The following ANK1 variants were observed in gnomAD, a reference collection of about 807,000 sequenced individuals.
The protein encoded by ANK1 is ankyrin 1.
A neutral mutation model predicts 210.4 loss-of-function variants in ANK1; 51 were observed. The observed-to-expected ratio is 0.24, with a 90% confidence interval of 0.19 to 0.31. The LOEUF is 0.31. ANK1 is among the 10% of genes least tolerant of loss of function. ANK1 has a pLI of 1.00. For synonymous variants in ANK1, 967 were observed against 1,025.9 expected (o/e 0.94, Z 1.10); for missense variants, 2,051 against 2,504.4 (o/e 0.82, Z 3.86).
intron 37 of ANK1, among the ~76,000 whole-genome samples, chr8:41,678,968 T>A (rs1335601973): frequency 1.3e-5 from 2 of 152,136 alleles, no homozygotes; most frequent in African/African-American, 2.4e-5. Context: ...GTATTTTTAG[T>A]AGAGACAGGG....
intron 38 of ANK1, among the ~76,000 whole-genome samples, chr8:41,670,229 A>G (rs1240358417): frequency 6.6e-6 from 1 of 151,850 alleles, no homozygotes; most frequent in Admixed American, 6.6e-5. Context: ...TTTCTGTTTC[A>G]TTCAATGCTG....
At chr8:41,877,989 G>A (rs957369851) in intron 1 of ANK1, among the ~76,000 whole-genome samples, 3 of 152,150 alleles carry the variant, frequency 2.0e-5, no homozygotes, top group South Asian at 2.1e-4. Context: ...ACAGCCTAGC[G>A]CCCAGCAGAA....
intron 42 of ANK1, among the ~76,000 whole-genome samples, chr8:41,660,171 C>T (rs570912680): frequency 6.6e-6 from 1 of 152,260 alleles, no homozygotes; most frequent in African/African-American, 2.4e-5. Context: ...CCTCCTTAAG[C>T]TGCTGAGGTG....
At chr8:41,703,031 G>A (rs1823308639) in intron 20 of ANK1, among the ~76,000 whole-genome samples, 1 of 151,890 alleles carries the variant, frequency 6.6e-6, no homozygotes, top group Non-Finnish European at 1.5e-5. Flanking sequence ...TTGCCCTGGA[G>A]TGTTGGCCAG....
chr8:41,800,011 A>G (rs1849614484), upstream of ANK1, among the ~76,000 whole-genome samples: 1 of 152,200 alleles, frequency 6.6e-6, no homozygotes, highest in Admixed American at 6.5e-5. Context: ...GACTGCCCCA[A>G]GAGCTTCCCA....
Position 41,688,541 on chromosome 8 carries a change from G to A in ANK1, c.4153C>T (p.Arg1385Ter), listed in dbSNP as rs750820522. Residue 1385 changes from arginine (R) to a stop codon, truncating the protein, a stop_gained, in exon 34 of 43, where the codon CGA becomes TGA. Transcript: ENST00000289734. LOFTEE classifies it high-confidence loss of function. ...GTGGACTCACTGAGAATGCTGTATCGCAGGGCCAGGGGCGTCGGGGTCCTT... is the reference window on the plus strand; with the variant it reads ...GTGGACTCACTGAGAATGCTGTATCACAGGGCCAGGGGCGTCGGGGTCCTT... The part of the protein sequence containing the change: ...RRRTPTPLAL[R>*]YSILSESTPG... 1.9e-6 allele frequency: 3 copies of A among 1,614,054 alleles called. No individual in the cohort carries two copies. Among genetic ancestry groups the A allele is most frequent in the Non-Finnish European group, 1.7e-6 (2 of 1,180,042 alleles).
chr8:41,695,389 G>C (rs1409616669), intron 26 of ANK1, 58 bp from the exon 27 acceptor site: 21 of 1,610,062 alleles, frequency 1.3e-5, no homozygotes, highest in Non-Finnish European at 1.8e-5. Flanking sequence ...GCAGGGCACA[G>C]GGAGGGATGG....
chr8:41,692,111 C>CA (rs1233687468), intron 31 of ANK1, among the ~76,000 whole-genome samples: 1 of 151,422 alleles, frequency 6.6e-6, no homozygotes, highest in Non-Finnish European at 1.5e-5. Flanking sequence ...GGCTGGAGGG[C>CA]AACAGTGCGA....
intron 15 of ANK1, 133 bp from the exon 16 acceptor site, chr8:41,714,387 T>A (rs60847205): frequency 7.4e-6 from 5 of 672,320 alleles, no homozygotes; most frequent in African/African-American, 7.3e-5. Context: ...CAGTCTTAAC[T>A]TGGAGTCATG....
chr8:41,809,823 C>G (rs1802213733), intron 1 of ANK1, among the ~76,000 whole-genome samples: 1 of 152,190 alleles, frequency 6.6e-6, no homozygotes, highest in Non-Finnish European at 1.5e-5. Flanking sequence ...CTGCACTGCC[C>G]ATGATCCTAC....
chr8:41,877,860 G>T (rs1051272280), intron 1 of ANK1, among the ~76,000 whole-genome samples: 2 of 152,192 alleles, frequency 1.3e-5, no homozygotes, highest in Non-Finnish European at 2.9e-5. Flanking sequence ...AAGCACAAAG[G>T]CCTGAAGACA....
intron 1 of ANK1, among the ~76,000 whole-genome samples, chr8:41,879,092 A>T (rs911877476): frequency 9.2e-5 from 14 of 151,952 alleles, no homozygotes; most frequent in African/African-American, 2.7e-4. Context: ...TTGAAAAATT[A>T]AAAAAAATGC....
At chr8:41,676,050 G>A (rs1385147080) in intron 37 of ANK1, among the ~76,000 whole-genome samples, 4 of 152,166 alleles carry the variant, frequency 2.6e-5, no homozygotes, top group Non-Finnish European at 5.9e-5. Flanking sequence ...CCAGTTTGTG[G>A]CTATTACAAG....
At chr8:41,847,110 C>T (rs952588011) in intron 1 of ANK1, among the ~76,000 whole-genome samples, 7 of 152,180 alleles carry the variant, frequency 4.6e-5, no homozygotes, top group South Asian at 2.1e-4. Flanking sequence ...CTCAGAACCC[C>T]GACAGCAAAT....
At chr8:41,809,129 G>T (rs1187745858) in intron 1 of ANK1, among the ~76,000 whole-genome samples, 2 of 152,124 alleles carry the variant, frequency 1.3e-5, no homozygotes, top group Non-Finnish European at 2.9e-5. Flanking sequence ...CCTTAACTGG[G>T]GAGTCGTTCT....
chr8:41,840,920 T>C (rs992246361), intron 1 of ANK1, among the ~76,000 whole-genome samples: 1 of 152,180 alleles, frequency 6.6e-6, no homozygotes, highest in African/African-American at 2.4e-5. Flanking sequence ...GGCCAGGTCA[T>C]GGAGAAATCT....
At chr8:41,738,438 C>T (rs879378676) in intron 2 of ANK1, among the ~76,000 whole-genome samples, 10 of 152,198 alleles carry the variant, frequency 6.6e-5, no homozygotes, top group East Asian at 3.8e-4. Flanking sequence ...CACCTGAAAA[C>T]GAACCTCCTG....
intron 1 of ANK1, among the ~76,000 whole-genome samples, chr8:41,821,612 T>C (rs1431099028): frequency 1.3e-5 from 2 of 152,188 alleles, no homozygotes; most frequent in Non-Finnish European, 2.9e-5. Flanking sequence ...ATGAGTTTAG[T>C]TGGCCATGAC....
intron 1 of ANK1, among the ~76,000 whole-genome samples, chr8:41,783,942 T>A (rs1845836949): frequency 6.6e-6 from 1 of 151,894 alleles, no homozygotes; most frequent in Non-Finnish European, 1.5e-5. Context: ...CATGCACCTA[T>A]AGTCCCAGCT....
Sources: allele counts gnomAD v4.1 joint callset (sites outside exome capture counted in the v4.1 genomes callset), GRCh38; gene constraint gnomAD v4.1.1; transcripts MANE v1.5; gene names NCBI Gene and HGNC (gene_info 2026-07-23, HGNC 2026-07-21).